Variants in NPHP3 observed in about 807,000 individuals in gnomAD.
The protein encoded by NPHP3 is nephrocystin 3.
A neutral mutation model predicts 171.9 loss-of-function variants in NPHP3; 123 were observed. The observed-to-expected ratio is 0.72, with a 90% CI of 0.62 to 0.83. The LOEUF (loss-of-function observed/expected upper bound fraction) is 0.83. Among genes scored for constraint, NPHP3 ranks in the 40% least tolerant of loss-of-function variants. The pLI is 0.00. For missense variants in NPHP3, 1,506 were observed against 1,591.9 expected, an observed-to-expected ratio of 0.95 and a Z score of 0.92; for synonymous variants, 558 against 579.2, an observed-to-expected ratio of 0.96 and a Z score of 0.52.
At chr3:132,683,230 A>G (rs1000353417) in intron 25 of NPHP3, among the ~76,000 whole-genome samples, 169 bp downstream of exon 25, 1 of 152,198 alleles carries the variant, frequency 6.6e-6, no homozygotes, top group Non-Finnish European at 1.5e-5. Context: ...AGAGGAAGGG[A>G]CCTTCATACA....
intron 12 of NPHP3, 127 bp downstream of exon 12, chr3:132,699,791 A>G: frequency 9.4e-7 from 1 of 1,064,250 alleles, no homozygotes; most frequent in Non-Finnish European, 1.4e-6. Flanking sequence ...CTCCCTAGAA[A>G]TAAAGCAGAA....
intron 19 of NPHP3, among the ~76,000 whole-genome samples, 168 bp downstream of exon 19, chr3:132,690,360 A>G (rs955293159): frequency 2.6e-5 from 4 of 152,218 alleles, no homozygotes; most frequent in African/African-American, 9.6e-5. Context: ...CCTCTTGGGA[A>G]AAGCAGATCT....
At chr3:132,714,753 C>CA (rs945349913) in intron 5 of NPHP3, among the ~76,000 whole-genome samples, 7 of 151,404 alleles carry the variant, frequency 4.6e-5, no homozygotes, top group East Asian at 1.9e-4. Flanking sequence ...AACACACAAA[C>CA]AAAAAAAAGT....
chr3:132,704,476 G>T, intron 8 of NPHP3, 105 bp from the exon 9 acceptor site: 1 of 1,028,432 alleles, frequency 9.7e-7, no homozygotes, highest in Non-Finnish European at 1.5e-6. Context: ...GGGAGGGCAA[G>T]TTCAAACATA....
At chr3:132,697,523 T>TATTA in intron 13 of NPHP3, among the ~76,000 whole-genome samples, 161 bp from the exon 14 acceptor site, 1 of 117,636 alleles carries the variant, frequency 8.5e-6, no homozygotes, top group East Asian at 4.9e-4. Context: ...AATTAATATA[T>TATTA]CTTATTCTAA....
intron 15 of NPHP3, 191 bp from the exon 16 acceptor site, chr3:132,695,156 A>G: frequency 1.8e-6 from 1 of 566,218 alleles, no homozygotes; most frequent in South Asian, 2.1e-5. Context: ...ACTATATATA[A>G]TTTAATTCAG....
intron 25 of NPHP3, 45 bp downstream of exon 25, chr3:132,683,354 C>A (rs749126276): frequency 1.3e-6 from 2 of 1,556,214 alleles, no homozygotes; most frequent in Non-Finnish European, 1.8e-6. Flanking sequence ...ATGTTTTATA[C>A]CATAAAATCA....
intron 17 of NPHP3, 38 bp downstream of exon 17, chr3:132,692,616 T>G: frequency 1.3e-6 from 2 of 1,587,270 alleles, no homozygotes; most frequent in South Asian, 2.2e-5. Context: ...CCCTGTTTCT[T>G]AAATAAATAA....
At chr3:132,698,013 G>A (rs910638932) in intron 13 of NPHP3, among the ~76,000 whole-genome samples, 20 of 150,736 alleles carry the variant, frequency 1.3e-4, no homozygotes, top group Admixed American at 1.3e-3. Flanking sequence ...GCAGAGTCTC[G>A]TACTGTTGCC....
At chr3:132,688,628 T>C in intron 21 of NPHP3, 22 bp downstream of exon 21, 1 of 1,609,746 alleles carries the variant, frequency 6.2e-7, no homozygotes, top group Non-Finnish European at 8.5e-7. Context: ...AAATCAGGTA[T>C]TACTGATCTA....
In NPHP3 at chr3:132,721,945, G is replaced by A. The variant is rs367765709; in HGVS notation, c.393+18C>T. The A allele has an allele frequency of 1.1e-4, 172 of 1,611,062 alleles. No individual in the cohort carries two copies. The African/African-American group carries it at 1.2e-3, about 11-fold the overall frequency. Reference sequence around the variant, plus strand: ...CTTCCCAAGGGTCTCCCGGCGTCGCGGCCCAGCCCGGCGTTACCTGCAGTT... The same window carrying A: ...CTTCCCAAGGGTCTCCCGGCGTCGCAGCCCAGCCCGGCGTTACCTGCAGTT... On this transcript the variant is annotated intron_variant, in intron 1 of 26. Coordinates refer to ENST00000337331, the MANE Select transcript of NPHP3 (RefSeq NM_153240.5).
At chr3:132,716,540 G>T (rs868141743) in intron 4 of NPHP3, among the ~76,000 whole-genome samples, 1 of 152,274 alleles carries the variant, frequency 6.6e-6, no homozygotes, top group African/African-American at 2.4e-5. Context: ...AACCTGGCTG[G>T]CCAGGTTGGC....
chr3:132,693,510 T>C (rs1576666713), intron 16 of NPHP3: 1 of 152,252 alleles, frequency 6.6e-6, no homozygotes, highest in South Asian at 2.1e-4. Context: ...ACGAGGAAGC[T>C]TGTGGGCTTG....
At chr3:132,687,275 A>G (rs768070210) in intron 21 of NPHP3, 49 bp from the exon 22 acceptor site, 14 of 842,268 alleles carry the variant, frequency 1.7e-5, no homozygotes, top group Admixed American at 5.6e-5. Flanking sequence ...TATTCAAAGT[A>G]TACTTCAGTG....
chr3:132,688,938 G>A, intron 20 of NPHP3, 47 bp from the exon 21 acceptor site: 4 of 1,613,604 alleles, frequency 2.5e-6, no homozygotes, highest in Non-Finnish European at 3.4e-6. Context: ...GTGAAATGCT[G>A]CAAGATCTGT....
At chr3:132,682,927 T>G in intron 25 of NPHP3, 109 bp from the exon 26 acceptor site, 1 of 730,986 alleles carries the variant, frequency 1.4e-6, no homozygotes, top group South Asian at 1.5e-5. Context: ...AATATCCTCC[T>G]AAAAGATGGG....
intron 6 of NPHP3, among the ~76,000 whole-genome samples, chr3:132,709,837 T>C (rs1939862139): frequency 6.6e-6 from 1 of 152,238 alleles, no homozygotes; most frequent in Non-Finnish European, 1.5e-5. Context: ...AAGTTTTCTA[T>C]ATTAAAATCA....
At position 132,722,313 on chromosome 3, in the gene NPHP3, C is replaced by A. The variant is rs775991880; in HGVS notation, c.43G>T (p.Val15Leu). Reference protein sequence around the residue: ...SSLVSPAGGEVIEDTYGAGGG... With the variant: ...SSLVSPAGGELIEDTYGAGGG... Reference sequence around the variant, plus strand: ...CCCGCCCCGTACGTGTCCTCGATCACTTCCCCGCCCGCGGGGCTCACGAGC... The same window carrying A: ...CCCGCCCCGTACGTGTCCTCGATCAATTCCCCGCCCGCGGGGCTCACGAGC... The change falls in exon 1 of 27, where the codon GTG (valine) becomes TTG (leucine). Residue 15 changes from valine to leucine, a missense_variant. Val to Leu is a conservative substitution (Grantham distance 32). Transcript: ENST00000337331. 6.3e-7 allele frequency: 1 copy of A among 1,581,874 alleles called. No individual in the cohort carries two copies. The highest frequency in any genetic ancestry group is 8.5e-7 in the Non-Finnish European group (1 of 1,173,128).
At position 132,692,765 on chromosome 3, in the gene NPHP3, C is replaced by T. The variant is rs779746124; in HGVS notation, c.2364G>A (p.Met788Ile). The change falls in exon 17 of 27, where the codon ATG (methionine) becomes ATA (isoleucine). Residue 788 changes from methionine to isoleucine, a missense_variant. Transcript: ENST00000337331. ...SHNGVSESEL[M>I]ELYPEMSWTF... ...TCCAGGACATCTCAGGATAGAGTTC[C>T]ATCAGTTCTGATTCACTCACACCAT... 3 of 1,613,906 alleles carry T rather than the reference C, an allele frequency of 1.9e-6. No individual in the cohort carries two copies. The highest frequency in any genetic ancestry group is 1.7e-6 in the Non-Finnish European group (2 of 1,179,824).
Sources: allele counts gnomAD v4.1 joint callset (sites outside exome capture counted in the v4.1 genomes callset), GRCh38; gene constraint gnomAD v4.1.1; transcripts MANE v1.5; gene names NCBI Gene and HGNC (gene_info 2026-07-23, HGNC 2026-07-21).